The following PIGN variants were observed in gnomAD, a reference collection of about 807,000 sequenced individuals.
The protein encoded by PIGN is phosphatidylinositol glycan anchor biosynthesis class N.
In PIGN, 117 loss-of-function variants were observed where a neutral mutation model predicts 125.4. The ratio of observed to expected loss-of-function variants is 0.93; its 90% confidence interval spans 0.80 to 1.09. The LOEUF (loss-of-function observed/expected upper bound fraction) is 1.09. PIGN is among the 50% of genes least tolerant of loss of function. The probability of loss-of-function intolerance (pLI) is 0.00; values close to 1 mark genes in which losing one functional copy is unlikely to be tolerated. For missense variants in PIGN, 1,075 were observed against 1,094.9 expected (o/e 0.98, Z 0.26); for synonymous variants, 392 against 377.8 (o/e 1.04, Z -0.44).
At chr18:62,084,001 C>A (rs1437883012) in intron 27 of PIGN, among the ~76,000 whole-genome samples, 3 of 152,048 alleles carry the variant, frequency 2.0e-5, no homozygotes, top group Non-Finnish European at 4.4e-5. Flanking sequence ...GCATAATGAC[C>A]TTAGAGAAGA....
At chr18:62,070,763 C>G (rs2032796623) in intron 30 of PIGN, among the ~76,000 whole-genome samples, 3 of 151,944 alleles carry the variant, frequency 2.0e-5, no homozygotes, top group Admixed American at 1.3e-4. Flanking sequence ...AAAAAGGAAC[C>G]TGACTTTTTG....
At chr18:62,080,207 A>G (rs544525419) in intron 28 of PIGN, among the ~76,000 whole-genome samples, 1 of 152,314 alleles carries the variant, frequency 6.6e-6, no homozygotes, top group South Asian at 2.1e-4. Context: ...TATTTAATCA[A>G]ACACAGAACT....
intron 25 of PIGN, 135 bp downstream of exon 25, chr18:62,088,621 T>C (rs569705583): frequency 1.1e-4 from 65 of 584,810 alleles, no homozygotes; most frequent in Admixed American, 2.1e-4. Context: ...GTGAATTACA[T>C]GAGAAAACTA....
At chr18:62,074,323 C>T (rs1014889554) in intron 29 of PIGN, among the ~76,000 whole-genome samples, 2 of 152,206 alleles carry the variant, frequency 1.3e-5, no homozygotes, top group African/African-American at 4.8e-5. Context: ...TACCTACATA[C>T]ATCAGAACTC....
intron 14 of PIGN, among the ~76,000 whole-genome samples, chr18:62,114,931 GATTAA>G: frequency 6.6e-6 from 1 of 152,272 alleles, no homozygotes; most frequent in Non-Finnish European, 1.5e-5. Context: ...AAGAAATTCT[GATTAA>G]ATTGAAGTAA....
intron 29 of PIGN, among the ~76,000 whole-genome samples, chr18:62,073,852 T>C (rs1396966811): frequency 2.0e-5 from 3 of 152,186 alleles, no homozygotes; most frequent in Admixed American, 1.3e-4. Flanking sequence ...TTCTGGGCCC[T>C]TGGAATGTCA....
intron 1 of PIGN, among the ~76,000 whole-genome samples, chr18:62,172,557 ATGTATTTGTAAATGCAAATG>A (rs1881149865): frequency 2.0e-5 from 3 of 152,278 alleles, no homozygotes; most frequent in East Asian, 1.9e-4. Flanking sequence ...GTACATTAAG[ATGTATTTGTAAATGCAAATG>A]TGCATTTGTA....
rs1599505864 is a variant in PIGN, at chr18:62,095,862, T to C, written c.2166A>G (p.Leu722=). Residue 722 remains leucine (L), a synonymous_variant, in exon 23 of 31, where the codon CTA becomes CTG. Transcript: ENST00000640252. Reference sequence around the variant, plus strand: ...AAAGTTTATACCCTGTGCTTAGAAGTAGGTAGGTTGACATCAATGAAAGAA... The same window carrying C: ...AAAGTTTATACCCTGTGCTTAGAAGCAGGTAGGTTGACATCAATGAAAGAA... ...SILLSLMSTY[L]LLSTGYEALF... 3.8e-5 allele frequency: 61 copies of C among 1,603,802 alleles called. No individual in the cohort carries two copies. The highest frequency in any genetic ancestry group is 5.0e-5 in the Non-Finnish European group (59 of 1,170,846).
In PIGN at chr18:62,093,295, G is replaced by C. The variant is rs182074587; in HGVS notation, c.2180+2553C>G. Among the ~76,000 whole-genome samples, 276 of 152,114 alleles carry C rather than the reference G, an allele frequency of 1.8e-3. 1 individual carries two copies. The highest frequency in any genetic ancestry group is 6.4e-3 in the African/African-American group (267 of 41,530). On this transcript the variant is annotated intron_variant, in intron 23 of 30. Coordinates refer to ENST00000640252, the MANE Select transcript of PIGN (RefSeq NM_176787.5). ...TGATCACTTTCTTTTGTAAAATGGA[G>C]ATGAATAAACCAGATAAAGATAATC...
rs200438285 is a variant in PIGN, at chr18:62,152,851, CAT to C, written c.549+1692_549+1693del. 2.9e-3 allele frequency among the ~76,000 whole-genome samples: 277 copies of C among 96,992 alleles called. 2 individuals are homozygous for C. Among genetic ancestry groups the C allele is most frequent in the African/African-American group, 8.5e-3 (242 of 28,538 alleles). The allele number at this position is 96,992 out of a possible 152,430, so 63.6% of individuals were successfully genotyped here. A position where few individuals can be genotyped will look rare whatever the true frequency, so the allele number is the denominator to read the frequency against. ...TTAAGACAGTAAATTCTGTATTTTG[CAT>C]ATATATATATATATATTTTTTTTTT... On this transcript the variant is annotated intron_variant, in intron 7 of 30. Coordinates refer to ENST00000640252, the MANE Select transcript of PIGN (RefSeq NM_176787.5).
intron 30 of PIGN, chr18:62,072,377 T>C (rs2032929681): frequency 4.7e-6 from 1 of 214,038 alleles, no homozygotes; most frequent in Admixed American, 5.7e-5. Context: ...TAGATAGGTA[T>C]ACCAGTTAAA....
At chr18:62,134,814 G>T (rs2035865505) in intron 14 of PIGN, among the ~76,000 whole-genome samples, 1 of 152,176 alleles carries the variant, frequency 6.6e-6, no homozygotes, top group African/African-American at 2.4e-5. Flanking sequence ...CCACATCTGA[G>T]GGTGCTTTAT....
chr18:62,152,297 T>A (rs1483037515), intron 7 of PIGN, among the ~76,000 whole-genome samples: 1 of 152,090 alleles, frequency 6.6e-6, no homozygotes, highest in African/African-American at 2.4e-5. Context: ...GTTTCTTTTT[T>A]TTTTAATTTT....
At chr18:62,019,622 G>A (rs1255171426) in intron 23 of PIGN, among the ~76,000 whole-genome samples, 1 of 152,206 alleles carries the variant, frequency 6.6e-6, no homozygotes, top group African/African-American at 2.4e-5. Flanking sequence ...AGGAGACCAG[G>A]TGAGCCACTT....
At chr18:62,086,578 T>C (rs902406131) in intron 25 of PIGN, among the ~76,000 whole-genome samples, 3 of 151,382 alleles carry the variant, frequency 2.0e-5, no homozygotes, top group Non-Finnish European at 2.9e-5. Flanking sequence ...GATTGTGCCA[T>C]TGCACTCCAG....
intron 21 of PIGN, among the ~76,000 whole-genome samples, chr18:62,102,054 C>G (rs1361876101): frequency 6.6e-6 from 1 of 151,592 alleles, no homozygotes; most frequent in Non-Finnish European, 1.5e-5. Context: ...GTGGTGAAAC[C>G]CTGACTCTAC....
intron 1 of PIGN, among the ~76,000 whole-genome samples, chr18:62,180,590 T>C (rs2037682118): frequency 6.6e-6 from 1 of 152,182 alleles, no homozygotes; most frequent in Admixed American, 6.5e-5. Context: ...GCCTGATTAC[T>C]AGTGAGTATG....
At chr18:62,183,047 TTAA>T (rs1201280823) in intron 1 of PIGN, among the ~76,000 whole-genome samples, 2 of 152,202 alleles carry the variant, frequency 1.3e-5, no homozygotes, top group Non-Finnish European at 2.9e-5. Flanking sequence ...GTGACTCTAG[TTAA>T]TGATGATATA....
At chr18:62,110,518 T>C (rs137881588) in intron 16 of PIGN, among the ~76,000 whole-genome samples, 3 of 152,300 alleles carry the variant, frequency 2.0e-5, no homozygotes, top group Non-Finnish European at 4.4e-5. Context: ...TCACTAGTGA[T>C]AGTCTGCATG....
Sources: gnomAD v4.1 joint callset for allele counts (sites outside exome capture counted in the v4.1 genomes callset) on GRCh38, gnomAD v4.1.1 for gene constraint, MANE v1.5 for transcripts, NCBI Gene and HGNC (gene_info 2026-07-23, HGNC 2026-07-21) for gene names.